The following PPP1R21 variants were observed in gnomAD, a reference collection of about 807,000 sequenced individuals.
The protein encoded by PPP1R21 is KLRAQ motif containing 1.
PPP1R21 carries 85 observed loss-of-function variants against 112.8 expected under a neutral mutation model. That is an observed-to-expected ratio of 0.75 (90% confidence interval 0.63 to 0.90). The LOEUF is 0.90. Ranked by LOEUF, PPP1R21 falls within the 40% of genes least tolerant of loss-of-function variation. PPP1R21 has a pLI of 0.00. For synonymous variants in PPP1R21, 381 were observed against 322.3 expected (o/e 1.18, Z -1.95); for missense variants, 1,199 against 901.5 (o/e 1.33, Z -4.23).
chr2:48,481,542 A>G (rs868004010), intron 13 of PPP1R21, among the ~76,000 whole-genome samples: 25 of 152,310 alleles, frequency 1.6e-4, no homozygotes, highest in Middle Eastern at 3.4e-3. Flanking sequence ...TGAAACCACA[A>G]GTACCTCTGT....
At chr2:48,460,043 CCTAT>C (rs1667908416) in intron 5 of PPP1R21, 48 bp from the exon 6 acceptor site, 2 of 1,607,666 alleles carry the variant, frequency 1.2e-6, no homozygotes, top group East Asian at 4.5e-5. Flanking sequence ...TAAGTGTGCT[CCTAT>C]CTGTCGTAGC....
intron 11 of PPP1R21, among the ~76,000 whole-genome samples, chr2:48,473,861 G>A (rs1022286235): frequency 1.3e-5 from 2 of 151,860 alleles, no homozygotes; most frequent in African/African-American, 4.8e-5. Flanking sequence ...AATTAAAAAT[G>A]GTAAAATGCA....
At chr2:48,476,683 T>C (rs920159488) in intron 12 of PPP1R21, among the ~76,000 whole-genome samples, 1 of 152,236 alleles carries the variant, frequency 6.6e-6, no homozygotes, top group Non-Finnish European at 1.5e-5. Context: ...TTTACTTGCA[T>C]TTTCCTGATT....
intron 17 of PPP1R21, among the ~76,000 whole-genome samples, chr2:48,503,969 G>A (rs904992082): frequency 1.7e-5 from 2 of 119,132 alleles, no homozygotes; most frequent in Admixed American, 8.2e-5. Flanking sequence ...AAAAAAAAAA[G>A]TTTTCCTTGC....
chr2:48,495,092 T>C (rs1669765839), intron 15 of PPP1R21, among the ~76,000 whole-genome samples: 1 of 152,264 alleles, frequency 6.6e-6, no homozygotes, highest in Non-Finnish European at 1.5e-5. Flanking sequence ...GTATAAGTAC[T>C]CAAAAATATG....
At chr2:48,472,239 C>CAAAAAAAAAAA (rs57711610) in intron 11 of PPP1R21, among the ~76,000 whole-genome samples, 11 of 43,014 alleles carry the variant, frequency 2.6e-4, no homozygotes, top group Admixed American at 4.7e-4. Context: ...GACTCCATCT[C>CAAAAAAAAAAA]AAAAAAAAAA....
intron 17 of PPP1R21, among the ~76,000 whole-genome samples, chr2:48,504,532 T>A (rs1159386820): frequency 6.6e-6 from 1 of 152,122 alleles, no homozygotes; most frequent in Non-Finnish European, 1.5e-5. Context: ...TCCCCACTAC[T>A]CGGGAGGCTG....
Position 48,454,703 on chromosome 2 carries a change from G to C in PPP1R21, c.235G>C (p.Glu79Gln). Residue 79 changes from glutamate to glutamine, a missense_variant, in exon 3 of 22, where the codon GAA (glutamate) becomes CAA (glutamine). Physicochemically the swap from Glu to Gln is conservative, Grantham distance 29. Transcript: ENST00000294952. ...LAKRVELLQD[E>Q]LALSEPRGKK... ...CAAGAGGGTAGAACTACTTCAAGAT[G>C]AACTAGCTCTAAGTGAACCACGAGG... The C allele has an allele frequency of 6.2e-7, 1 of 1,614,098 alleles. No individual in the cohort carries two copies. Among genetic ancestry groups the C allele is most frequent in the Admixed American group, 1.7e-5 (1 of 60,024 alleles).
chr2:48,498,670 A>T lies in PPP1R21; in HGVS notation c.1870A>T (p.Asn624Tyr). The T allele has an allele frequency of 6.2e-7, 1 of 1,614,242 alleles. No homozygotes were observed. The highest frequency in any genetic ancestry group is 8.5e-7 in the Non-Finnish European group (1 of 1,180,038). ...GLAQENAAVS[N>Y]TAGQDEATAK... Reference sequence around the variant, plus strand: ...GGCCCAGGAAAATGCTGCTGTGTCAAATACTGCTGGCCAGGATGAAGCCAC... The same window carrying T: ...GGCCCAGGAAAATGCTGCTGTGTCATATACTGCTGGCCAGGATGAAGCCAC... The change falls in exon 17 of 22, where the codon AAT (asparagine) becomes TAT (tyrosine). Residue 624 changes from asparagine (N) to tyrosine (Y), a missense_variant. Coordinates refer to ENST00000294952, the MANE Select transcript of PPP1R21 (RefSeq NM_001135629.3).
At chr2:48,487,556 A>G (rs1467473082) in intron 14 of PPP1R21, among the ~76,000 whole-genome samples, 1 of 152,074 alleles carries the variant, frequency 6.6e-6, no homozygotes, top group Non-Finnish European at 1.5e-5. Context: ...TGAGCCCAGG[A>G]GTTCAAGACC....
chr2:48,453,415 G>A (rs1194532250), intron 2 of PPP1R21, among the ~76,000 whole-genome samples: 1 of 151,924 alleles, frequency 6.6e-6, no homozygotes. Flanking sequence ...CTGGTCTCCA[G>A]CTTTTGGGCT....
intron 3 of PPP1R21, among the ~76,000 whole-genome samples, chr2:48,457,270 C>T (rs935080688): frequency 2.0e-5 from 3 of 152,168 alleles, no homozygotes; most frequent in Non-Finnish European, 2.9e-5. Flanking sequence ...TCCATATGCA[C>T]CTCTTGTTTT....
Position 48,471,070 on chromosome 2 carries a change from C to G in PPP1R21, c.898-17C>G. On this transcript the variant is annotated splice_polypyrimidine_tract_variant and intron_variant, in intron 9 of 21. Transcript: ENST00000294952. ...TTTTCCAGTGATTTAATTCACAATACTTTCCCTCCTGTTTAGTTCTCACAA... is the reference window on the plus strand; with the variant it reads ...TTTTCCAGTGATTTAATTCACAATAGTTTCCCTCCTGTTTAGTTCTCACAA... 6.6e-7 allele frequency: 1 copy of G among 1,509,070 alleles called. No homozygotes were observed. The highest frequency in any genetic ancestry group is 9.2e-7 in the Non-Finnish European group (1 of 1,086,578). The allele number at this position is 1,509,070 out of a possible 1,614,324, so 93.5% of individuals were successfully genotyped here.
chr2:48,492,945 G>A (rs561464602), intron 15 of PPP1R21, among the ~76,000 whole-genome samples: 2 of 151,802 alleles, frequency 1.3e-5, no homozygotes, highest in African/African-American at 2.4e-5. Flanking sequence ...TTGTTAATGA[G>A]GTGGAACATC....
intron 1 of PPP1R21, among the ~76,000 whole-genome samples, chr2:48,443,541 G>T (rs1667120607): frequency 6.6e-6 from 1 of 152,206 alleles, no homozygotes; most frequent in Non-Finnish European, 1.5e-5. Flanking sequence ...TCGGGAGGAT[G>T]TGCCTGGAGG....
intron 17 of PPP1R21, among the ~76,000 whole-genome samples, chr2:48,499,154 G>C (rs1266781664): frequency 6.6e-6 from 1 of 151,834 alleles, no homozygotes; most frequent in East Asian, 1.9e-4. Flanking sequence ...CAAACACGCA[G>C]GCCACAGTAA....
In PPP1R21 at chr2:48,465,506, A is replaced by G. The variant is rs765597385; in HGVS notation, c.761A>G (p.Asp254Gly). Residue 254 changes from aspartate (D) to glycine (G), a missense_variant, in exon 9 of 22, where the codon GAT (aspartate) becomes GGT (glycine). Transcript: ENST00000294952. ...TTCATTTTAAAGCTGAAGATGCGAG[A>G]TATTGCTGGGCAGGCCCTGGCTTTT... The part of the protein sequence containing the change: ...HNRRHQLKMR[D>G]IAGQALAFVQ... 30 of 1,610,234 alleles carry G rather than the reference A, an allele frequency of 1.9e-5. No homozygotes were observed. Among genetic ancestry groups the G allele is most frequent in the Non-Finnish European group, 2.4e-5 (28 of 1,179,122 alleles).
intron 13 of PPP1R21, among the ~76,000 whole-genome samples, chr2:48,483,060 G>T (rs1669097795): frequency 6.6e-6 from 1 of 152,002 alleles, no homozygotes; most frequent in Non-Finnish European, 1.5e-5. Flanking sequence ...TTCTGCGTTA[G>T]TTTGCTGAAG....
At position 48,495,047 on chromosome 2, in the gene PPP1R21, T is replaced by C. The variant is rs181524675; in HGVS notation, c.1600-632T>C. On this transcript the variant is annotated intron_variant, in intron 15 of 21. Transcript: ENST00000294952. ...TGAATATCTCATGTAACTTACTGAA[T>C]ACTGTACTGAAAGTGAAAAACAGAA... 2.0e-4 allele frequency among the ~76,000 whole-genome samples: 30 copies of C among 152,292 alleles called. No homozygotes were observed. The East Asian group carries it at 5.8e-3, about 29-fold the overall frequency.
Sources: allele counts gnomAD v4.1 joint callset (sites outside exome capture counted in the v4.1 genomes callset), GRCh38; gene constraint gnomAD v4.1.1; transcripts MANE v1.5; gene names NCBI Gene and HGNC (gene_info 2026-07-23, HGNC 2026-07-21).